Variants in PAK5 observed in about 807,000 individuals in gnomAD.
PAK5 encodes the protein p21 (RAC1) activated kinase 5.
Under a neutral mutation model 65.9 loss-of-function variants are expected in PAK5, and 16 were observed. That is an observed-to-expected ratio of 0.24 (90% CI 0.16 to 0.37). The LOEUF is 0.37. PAK5 is among the 10% of genes least tolerant of loss of function. The pLI, the probability that PAK5 is intolerant of heterozygous loss-of-function variation, is 1.00. For missense variants in PAK5, 785 were observed against 903.9 expected (o/e 0.87, Z 1.69); for synonymous variants, 371 against 354.9 (o/e 1.05, Z -0.51).
intron 3 of PAK5, among the ~76,000 whole-genome samples, chr20:9,597,367 A>G (rs974211882): frequency 6.6e-6 from 1 of 152,242 alleles, no homozygotes; most frequent in African/African-American, 2.4e-5. Context: ...AGAAAACTGT[A>G]TGCATGAACT....
At chr20:9,795,287 C>T (rs1229852779) in intron 1 of PAK5, among the ~76,000 whole-genome samples, 2 of 152,038 alleles carry the variant, frequency 1.3e-5, no homozygotes, top group African/African-American at 4.8e-5. Context: ...ATACAAAAGG[C>T]ACTTATACAA....
chr20:9,754,897 A>G (rs2048616227), intron 1 of PAK5, among the ~76,000 whole-genome samples: 1 of 152,196 alleles, frequency 6.6e-6, no homozygotes, highest in Non-Finnish European at 1.5e-5. Context: ...GTTGTATAGA[A>G]AGGAACTCAA....
At chr20:9,749,307 T>C (rs2048547100) in intron 1 of PAK5, among the ~76,000 whole-genome samples, 1 of 152,246 alleles carries the variant, frequency 6.6e-6, no homozygotes, top group South Asian at 2.1e-4. Context: ...AACCTTCAAC[T>C]TATCCAGTAT....
intron 2 of PAK5, among the ~76,000 whole-genome samples, chr20:9,675,713 T>C (rs1165685769): frequency 6.6e-6 from 1 of 152,172 alleles, no homozygotes; most frequent in African/African-American, 2.4e-5. Flanking sequence ...TTCACATTCT[T>C]AAAATTAACA....
chr20:9,781,733 G>A (rs1046670480), intron 1 of PAK5, among the ~76,000 whole-genome samples: 3 of 151,884 alleles, frequency 2.0e-5, no homozygotes, highest in African/African-American at 4.8e-5. Flanking sequence ...CCCCTCTCCC[G>A]TACCAACATC....
intron 4 of PAK5, among the ~76,000 whole-genome samples, chr20:9,570,156 A>G (rs1328689627): frequency 6.6e-6 from 1 of 152,184 alleles, no homozygotes; most frequent in East Asian, 1.9e-4. Flanking sequence ...GATCAAATAC[A>G]TATCAAAGTA....
chr20:9,694,330 G>A (rs2047839830), intron 2 of PAK5, among the ~76,000 whole-genome samples: 1 of 148,326 alleles, frequency 6.7e-6, no homozygotes, highest in Non-Finnish European at 1.5e-5. Flanking sequence ...TTGTGTGTGT[G>A]TGTGTGTGTG....
At chr20:9,670,221 T>A (rs567626745) in intron 2 of PAK5, among the ~76,000 whole-genome samples, 2 of 152,146 alleles carry the variant, frequency 1.3e-5, no homozygotes, top group African/African-American at 4.8e-5. Flanking sequence ...GAATAGTGCC[T>A]CAATAAACAT....
chr20:9,752,558 T>C (rs954016138), intron 1 of PAK5, among the ~76,000 whole-genome samples: 2 of 152,098 alleles, frequency 1.3e-5, no homozygotes, highest in African/African-American at 2.4e-5. Flanking sequence ...GTGGTATATA[T>C]CCTATTACTC....
intron 1 of PAK5, among the ~76,000 whole-genome samples, chr20:9,766,528 T>TATATATATATTCAAGCAGA (rs2048770280): frequency 5.6e-5 from 2 of 35,936 alleles, no homozygotes; most frequent in Non-Finnish European, 1.1e-4. Flanking sequence ...GCAGAATATA[T>TATATATATATTCAAGCAGA]ATATATATAT....
chr20:9,739,770 T>G (rs895031533), intron 1 of PAK5, among the ~76,000 whole-genome samples: 1 of 152,092 alleles, frequency 6.6e-6, no homozygotes, highest in Non-Finnish European at 1.5e-5. Context: ...AAGGGAAGTA[T>G]GTTTTGTTCT....
chr20:9,834,233 C>T (rs1978970917), intron 1 of PAK5, among the ~76,000 whole-genome samples: 1 of 152,110 alleles, frequency 6.6e-6, no homozygotes, highest in African/African-American at 2.4e-5. Context: ...GAAATTGAAG[C>T]CACTTTAGAA....
At chr20:9,821,981 GTCCA>G (rs1569101912) in intron 1 of PAK5, among the ~76,000 whole-genome samples, 1 of 152,130 alleles carries the variant, frequency 6.6e-6, no homozygotes, top group Non-Finnish European at 1.5e-5. Context: ...TTATCAACTG[GTCCA>G]CCAGTACCCT....
At chr20:9,670,342 G>T (rs1034689146) in intron 2 of PAK5, among the ~76,000 whole-genome samples, 1 of 152,020 alleles carries the variant, frequency 6.6e-6, no homozygotes. Context: ...CTGAGGAATC[G>T]CCACACTGAC....
At chr20:9,742,672 TA>T (rs1015778888) in intron 1 of PAK5, among the ~76,000 whole-genome samples, 1 of 151,994 alleles carries the variant, frequency 6.6e-6, no homozygotes, top group African/African-American at 2.4e-5. Context: ...AGGATGGACC[TA>T]AAAAAAATTG....
chr20:9,675,109 G>C (rs1197068679), intron 2 of PAK5, among the ~76,000 whole-genome samples: 1 of 152,204 alleles, frequency 6.6e-6, no homozygotes, highest in Admixed American at 6.5e-5. Flanking sequence ...TATTTTAATT[G>C]AGTAAAGGGG....
chr20:9,792,942 G>C (rs111599658), intron 1 of PAK5, among the ~76,000 whole-genome samples: 3 of 152,126 alleles, frequency 2.0e-5, no homozygotes, highest in Non-Finnish European at 4.4e-5. Context: ...GATGATGCTC[G>C]TTTAGAGAAA....
At chr20:9,618,704 C>T (rs548961923) in intron 3 of PAK5, among the ~76,000 whole-genome samples, 13 of 151,552 alleles carry the variant, frequency 8.6e-5, no homozygotes, top group African/African-American at 2.9e-4. Context: ...TGAGCCACTG[C>T]GCCCGGCTGG....
chr20:9,834,001 T>G (rs892904088), intron 1 of PAK5, among the ~76,000 whole-genome samples: 2 of 152,206 alleles, frequency 1.3e-5, no homozygotes, highest in Non-Finnish European at 2.9e-5. Flanking sequence ...CATCAATTTT[T>G]GAACATGTAT....
Sources: allele counts gnomAD v4.1 joint callset (sites outside exome capture counted in the v4.1 genomes callset), GRCh38; gene constraint gnomAD v4.1.1; transcripts MANE v1.5; gene names NCBI Gene and HGNC (gene_info 2026-07-23, HGNC 2026-07-21).